Variants in GNAL observed in about 807,000 individuals in gnomAD.
GNAL encodes the protein guanine nucleotide-binding protein G(olf) subunit alpha.
GNAL carries 18 observed loss-of-function variants against 55.1 expected under a neutral mutation model. That is an observed-to-expected ratio of 0.33 (90% CI 0.23 to 0.48). GNAL has a LOEUF of 0.48. GNAL is among the 20% of genes least tolerant of loss of function. The pLI is 0.99. For synonymous variants in GNAL, 253 were observed against 237.0 expected, an observed-to-expected ratio of 1.07 and a Z score of -0.62; for missense variants, 412 against 614.1, an observed-to-expected ratio of 0.67 and a Z score of 3.48.
At chr18:11,725,551 A>G (rs1486103462) in intron 1 of GNAL, among the ~76,000 whole-genome samples, 1 of 152,232 alleles carries the variant, frequency 6.6e-6, no homozygotes, top group African/African-American at 2.4e-5. Flanking sequence ...TTGGAATCAT[A>G]TAGTATGTAG....
chr18:11,743,429 A>C (rs2032622442), intron 1 of GNAL, among the ~76,000 whole-genome samples: 1 of 152,184 alleles, frequency 6.6e-6, no homozygotes, highest in African/African-American at 2.4e-5. Context: ...TTTATACTAA[A>C]ATATGTTTGT....
chr18:11,769,994 A>G (rs536966081), intron 4 of GNAL, among the ~76,000 whole-genome samples: 147 of 152,354 alleles, frequency 9.6e-4, no homozygotes, highest in African/African-American at 3.1e-3. Context: ...ATATTTTTAT[A>G]GTTTTCAGAA....
chr18:11,699,558 AGG>A (rs61005238), intron 1 of GNAL, among the ~76,000 whole-genome samples: 4 of 145,402 alleles, frequency 2.8e-5, no homozygotes, highest in African/African-American at 1.0e-4. Flanking sequence ...TTTTTTTTTG[AGG>A]GGGGGGGTTG....
At chr18:11,788,914 A>AAAAAAAATATATATATAT (rs60071996) in intron 4 of GNAL, among the ~76,000 whole-genome samples, 3 of 56,290 alleles carry the variant, frequency 5.3e-5, no homozygotes, top group African/African-American at 3.0e-4. Context: ...AAAAAAAAAA[A>AAAAAAAATATATATATAT]ATATATATAT....
chr18:11,885,001 A>T lies in GNAL; in HGVS notation c.*3866A>T. The T allele has an allele frequency of 7.7e-7, 1 of 1,301,046 alleles. No individual in the cohort carries two copies. The allele number at this position is 1,301,046 out of a possible 1,614,324, so 80.6% of individuals were successfully genotyped here. On this transcript the variant is annotated 3_prime_UTR_variant, in exon 12 of 12. Coordinates refer to ENST00000334049, the MANE Select transcript of GNAL (RefSeq NM_182978.4). ...CGGTCAGCGAGGAACAAGGAGGGAA[A>T]GGTGTCTTCCTGCCCCTTGATGCTC... is the stretch of plus-strand genomic sequence containing the variant.
intron 4 of GNAL, among the ~76,000 whole-genome samples, chr18:11,813,553 A>G (rs1194094680): frequency 2.0e-5 from 3 of 152,236 alleles, no homozygotes; most frequent in African/African-American, 7.2e-5. Context: ...AGCCGAAACA[A>G]TGTTAGAAAA....
At chr18:11,765,768 C>T (rs932278868) in intron 4 of GNAL, among the ~76,000 whole-genome samples, 2 of 152,112 alleles carry the variant, frequency 1.3e-5, no homozygotes, top group African/African-American at 2.4e-5. Flanking sequence ...AATAATATTC[C>T]ATTGTGTATT....
intron 1 of GNAL, among the ~76,000 whole-genome samples, chr18:11,703,822 C>CAT (rs1243083158): frequency 4.0e-4 from 61 of 151,720 alleles, no homozygotes; most frequent in Non-Finnish European, 6.8e-4. Context: ...CACACACACA[C>CAT]ACACACACAC....
In GNAL at chr18:11,689,812, C is replaced by G. The variant is rs890228437; in HGVS notation, c.249C>G (p.Ala83=). Reference sequence around the variant, plus strand: ...GGCAGCGCACCGAGCAGCTGAGTGCCGAGGAGCGCGAGGCGGCCAAGGAGC... The same window carrying G: ...GGCAGCGCACCGAGCAGCTGAGTGCGGAGGAGCGCGAGGCGGCCAAGGAGC... ...EKRQRTEQLS[A]EEREAAKERE... is the part of the protein sequence containing the mutation. The change falls in exon 1 of 12, where the codon GCC becomes GCG. Residue 83 remains alanine (A), a synonymous_variant. Transcript: ENST00000334049. 2.0e-6 allele frequency: 3 copies of G among 1,537,066 alleles called. No individual in the cohort carries two copies. Among genetic ancestry groups the G allele is most frequent in the South Asian group, 1.2e-5 (1 of 83,060 alleles).
intron 1 of GNAL, among the ~76,000 whole-genome samples, chr18:11,694,657 G>A (rs997495057): frequency 2.6e-5 from 4 of 152,180 alleles, no homozygotes; most frequent in African/African-American, 9.7e-5. Flanking sequence ...AGATGACTGG[G>A]TGCGGAGGGT....
intron 4 of GNAL, among the ~76,000 whole-genome samples, chr18:11,815,879 A>G (rs1012847543): frequency 4.9e-4 from 75 of 152,318 alleles, no homozygotes; most frequent in African/African-American, 1.7e-3. Flanking sequence ...CATAAAAGAT[A>G]GCCAACGTAA....
chr18:11,812,496 G>T (rs2034841602), intron 4 of GNAL, among the ~76,000 whole-genome samples: 2 of 152,088 alleles, frequency 1.3e-5, no homozygotes, highest in African/African-American at 4.8e-5. Flanking sequence ...GTATTTCTGG[G>T]CACTAGAAAT....
intron 4 of GNAL, among the ~76,000 whole-genome samples, chr18:11,823,224 A>G (rs767249768): frequency 5.3e-5 from 8 of 152,024 alleles, no homozygotes; most frequent in Non-Finnish European, 1.2e-4. Flanking sequence ...AAACCTACAA[A>G]CTCCTTTACT....
intron 4 of GNAL, among the ~76,000 whole-genome samples, chr18:11,776,807 A>G (rs73399902): frequency 0.03 from 4,583 of 152,076 alleles, 204 homozygotes; most frequent in African/African-American, 0.097. Flanking sequence ...GTGTTTTTGG[A>G]AACATGCTTC....
At chr18:11,858,980 C>G (rs1860486132) in intron 5 of GNAL, among the ~76,000 whole-genome samples, 1 of 152,206 alleles carries the variant, frequency 6.6e-6, no homozygotes, top group African/African-American at 2.4e-5. Context: ...TCACATCTCT[C>G]TAGCACTCCA....
intron 4 of GNAL, among the ~76,000 whole-genome samples, chr18:11,815,557 A>T (rs999004392): frequency 3.3e-5 from 5 of 152,176 alleles, no homozygotes; most frequent in Admixed American, 2.6e-4. Context: ...CCGAGGGGGA[A>T]GTCTGCCTCC....
chr18:11,754,884 A>C (rs2032989732), intron 4 of GNAL, among the ~76,000 whole-genome samples: 1 of 152,184 alleles, frequency 6.6e-6, no homozygotes. Flanking sequence ...CAGAATATAC[A>C]TTTCTTTAAA....
intron 4 of GNAL, among the ~76,000 whole-genome samples, chr18:11,776,421 T>G (rs983243223): frequency 6.6e-6 from 1 of 152,130 alleles, no homozygotes; most frequent in Non-Finnish European, 1.5e-5. Context: ...ATAATAAGAA[T>G]TTATGCCAGG....
chr18:11,698,490 C>CA (rs201762409), intron 1 of GNAL, among the ~76,000 whole-genome samples: 2,232 of 88,284 alleles, frequency 0.025, 78 homozygotes, highest in Admixed American at 0.12. Context: ...GACTCTGTCT[C>CA]AAAAAAAAAA....
Sources: gnomAD v4.1 joint callset for allele counts (sites outside exome capture counted in the v4.1 genomes callset) on GRCh38, gnomAD v4.1.1 for gene constraint, MANE v1.5 for transcripts, NCBI Gene and HGNC (gene_info 2026-07-23, HGNC 2026-07-21) for gene names.